RYR2: variants seen among roughly 807,000 people sequenced by gnomAD.
RYR2 encodes the protein cardiac muscle ryanodine receptor-calcium release channel.
A neutral mutation model predicts 601.1 loss-of-function variants in RYR2; 227 were observed. The ratio of observed to expected loss-of-function variants is 0.38; its 90% CI spans 0.34 to 0.42. The LOEUF is 0.42. Ranked by LOEUF, RYR2 falls within the 10% of genes least tolerant of loss-of-function variation. The probability of loss-of-function intolerance (pLI) is 1.00; values close to 1 mark genes in which losing one functional copy is unlikely to be tolerated. For synonymous variants in RYR2, 2,223 were observed against 2,175.1 expected, an observed-to-expected ratio of 1.02 and a Z score of -0.61; for missense variants, 4,646 against 6,156.5, an observed-to-expected ratio of 0.75 and a Z score of 8.21.
chr1:237,559,613 C>T (rs1671255534), intron 27 of RYR2, among the ~76,000 whole-genome samples: 1 of 152,152 alleles, frequency 6.6e-6, no homozygotes. Context: ...AAATACCTAA[C>T]TTAAAGTCTT....
intron 12 of RYR2, among the ~76,000 whole-genome samples, chr1:237,432,617 A>G (rs1302050851): frequency 3.3e-5 from 5 of 152,116 alleles, no homozygotes; most frequent in Non-Finnish European, 7.4e-5. Context: ...TGTCTTTCCA[A>G]TTAGGGCTGT....
chr1:237,806,928 C>A (rs762250499), intron 99 of RYR2, among the ~76,000 whole-genome samples: 1 of 152,090 alleles, frequency 6.6e-6, no homozygotes, highest in Non-Finnish European at 1.5e-5. Flanking sequence ...TGCACTGATC[C>A]GTTCACTTGC....
At chr1:237,181,414 C>T (rs78500509) in intron 1 of RYR2, among the ~76,000 whole-genome samples, 11,927 of 152,094 alleles carry the variant, frequency 0.078, 509 homozygotes, top group South Asian at 0.11. Context: ...TGGTGAGTGG[C>T]GGAGTCAGGA....
intron 10 of RYR2, among the ~76,000 whole-genome samples, chr1:237,414,876 C>T (rs945393876): frequency 1.3e-5 from 2 of 152,152 alleles, no homozygotes; most frequent in East Asian, 3.9e-4. Context: ...TGGGTCTTAA[C>T]AAACCCTCAA....
chr1:237,511,833 TGA>T, intron 24 of RYR2, 42 bp downstream of exon 24: 81 of 274,468 alleles, frequency 3.0e-4, no homozygotes, highest in South Asian at 7.6e-4. Flanking sequence ...CTGCCTTCCC[TGA>T]AAAAAAAAAA....
chr1:237,641,489 C>CTTTCTT (rs1553265000), intron 47 of RYR2, among the ~76,000 whole-genome samples: 2,353 of 125,052 alleles, frequency 0.019, 75 homozygotes, highest in African/African-American at 0.068. Flanking sequence ...TTCTTTCTTT[C>CTTTCTT]TTTCTTTCTT....
intron 79 of RYR2, among the ~76,000 whole-genome samples, chr1:237,741,836 A>T (rs1007200987): frequency 1.1e-4 from 17 of 152,156 alleles, no homozygotes; most frequent in African/African-American, 4.1e-4. Context: ...TCCTGACCTC[A>T]GGTGATCTGC....
In RYR2 at chr1:237,331,554, G is replaced by C. The variant is rs375038480; in HGVS notation, c.273+572G>C. 2.0e-3 allele frequency among the ~76,000 whole-genome samples: 300 copies of C among 151,746 alleles called. 1 individual carries two copies. Among genetic ancestry groups the C allele is most frequent in the African/African-American group, 6.9e-3 (283 of 41,116 alleles). The stretch of plus-strand genomic sequence containing the variant: ...GTCTGGCTCTGTCACCCAGGCTGGA[G>C]TGCAGTGGCGCGATCTCAGCTCACT... On this transcript the variant is annotated intron_variant, in intron 3 of 104. Transcript: ENST00000366574.
At chr1:237,107,515 A>T (rs572881866) in intron 1 of RYR2, among the ~76,000 whole-genome samples, 6 of 146,908 alleles carry the variant, frequency 4.1e-5, no homozygotes, top group Middle Eastern at 6.8e-3. Flanking sequence ...GTGAGACTCC[A>T]TCTCAAAAAA....
intron 88 of RYR2, among the ~76,000 whole-genome samples, chr1:237,779,242 A>G (rs1407243497): frequency 2.6e-5 from 4 of 152,218 alleles, no homozygotes; most frequent in Admixed American, 2.6e-4. Context: ...ATTTTGTGAC[A>G]GAGAAAAAGT....
chr1:237,515,666 C>T, intron 24 of RYR2, among the ~76,000 whole-genome samples: 1 of 126,814 alleles, frequency 7.9e-6, no homozygotes. Context: ...CCTTCCCCTC[C>T]CTTTTTTTCC....
intron 61 of RYR2, among the ~76,000 whole-genome samples, chr1:237,679,217 T>A (rs929444111): frequency 3.9e-5 from 6 of 152,204 alleles, no homozygotes; most frequent in African/African-American, 1.4e-4. Context: ...CAGCCTCTAA[T>A]TTTCCCTTTA....
intron 3 of RYR2, among the ~76,000 whole-genome samples, chr1:237,354,924 CCTG>C (rs1699163561): frequency 3.9e-5 from 6 of 152,042 alleles, no homozygotes; most frequent in African/African-American, 1.2e-4. Context: ...TAAAATTCTG[CCTG>C]TTTATTTAGG....
At chr1:237,420,790 A>G (rs763480046) in intron 11 of RYR2, among the ~76,000 whole-genome samples, 5 of 152,206 alleles carry the variant, frequency 3.3e-5, no homozygotes, top group Non-Finnish European at 7.3e-5. Flanking sequence ...TGCTGTTTTG[A>G]AAATGAAGGT....
At chr1:237,668,209 T>C (rs1484332456) in intron 58 of RYR2, among the ~76,000 whole-genome samples, 1 of 152,194 alleles carries the variant, frequency 6.6e-6, no homozygotes, top group Non-Finnish European at 1.5e-5. Context: ...CTTCTCATCC[T>C]GATATCTGAG....
chr1:237,813,203 C>A (rs1326652062), intron 100 of RYR2, among the ~76,000 whole-genome samples: 1 of 152,100 alleles, frequency 6.6e-6, no homozygotes, highest in African/African-American at 2.4e-5. Flanking sequence ...CAGAAGGTAG[C>A]AGTAGCAGGT....
At chr1:237,322,848 G>T (rs1385432346) in intron 2 of RYR2, among the ~76,000 whole-genome samples, 1 of 148,282 alleles carries the variant, frequency 6.7e-6, no homozygotes. Context: ...GTGTGTGTGT[G>T]GTGTTAATTT....
chr1:237,335,966 T>C (rs1697206459), intron 3 of RYR2, among the ~76,000 whole-genome samples: 1 of 152,200 alleles, frequency 6.6e-6, no homozygotes, highest in Admixed American at 6.5e-5. Flanking sequence ...ATTCTAATCA[T>C]TTGGTGCTTT....
At chr1:237,289,490 C>T (rs1198619057) in intron 2 of RYR2, among the ~76,000 whole-genome samples, 1 of 152,180 alleles carries the variant, frequency 6.6e-6, no homozygotes, top group African/African-American at 2.4e-5. Flanking sequence ...ACACGTCCTT[C>T]TTCACATGAT....
Sources: gnomAD v4.1 joint callset for allele counts (sites outside exome capture counted in the v4.1 genomes callset) on GRCh38, gnomAD v4.1.1 for gene constraint, MANE v1.5 for transcripts, NCBI Gene and HGNC (gene_info 2026-07-23, HGNC 2026-07-21) for gene names.